Variants in LRRC53 observed in about 807,000 individuals in gnomAD.
LRRC53 encodes leucine-rich repeat-containing protein 53.
In LRRC53, 25 loss-of-function variants were observed where a neutral mutation model predicts 13.6. The observed-to-expected ratio is 1.83, with a 90% confidence interval of 1.34 to 2.56. The LOEUF is 2.56. Ranked by LOEUF, LRRC53 falls within the 30% of genes most tolerant of loss-of-function variation. The pLI, the probability that LRRC53 is intolerant of heterozygous loss-of-function variation, is 0.00. For missense variants in LRRC53, 527 were observed against 275.8 expected (o/e 1.91, Z -6.45); for synonymous variants, 204 against 109.8 (o/e 1.86, Z -5.37).
upstream of LRRC53, among the ~76,000 whole-genome samples, chr1:74,513,843 T>C (rs58647790): frequency 0.037 from 5,589 of 152,278 alleles, 158 homozygotes; most frequent in East Asian, 0.081. Context: ...CCTGAAAGCA[T>C]ATTTTAGATG....
At chr1:74,520,778 T>C in the LRRC53 span, among the ~76,000 whole-genome samples, 1 of 152,098 alleles carries the variant, frequency 6.6e-6, no homozygotes. Context: ...ACAGTCCCCT[T>C]TGAGTTGCAA....
chr1:74,474,579 A>G (rs749998412), intron 4 of LRRC53, among the ~76,000 whole-genome samples: 2 of 152,184 alleles, frequency 1.3e-5, no homozygotes, highest in South Asian at 4.1e-4. Context: ...AAATGACAGG[A>G]ACCTCTTTAC....
At chr1:74,513,292 C>T (rs939169821), upstream of LRRC53, among the ~76,000 whole-genome samples, 4 of 152,136 alleles carry the variant, frequency 2.6e-5, no homozygotes, top group East Asian at 1.9e-4. Context: ...TACTGAGTCC[C>T]TGTCCTTTCA....
chr1:74,480,114 A>G, intron 3 of LRRC53, 39 bp downstream of exon 3: 2 of 681,760 alleles, frequency 2.9e-6, no homozygotes, highest in Non-Finnish European at 5.4e-6. Context: ...TATGGACAAG[A>G]GAAGAGAAAA....
At chr1:74,515,790 C>T (rs1646340377), upstream of LRRC53, among the ~76,000 whole-genome samples, 1 of 152,176 alleles carries the variant, frequency 6.6e-6, no homozygotes, top group East Asian at 1.9e-4. Flanking sequence ...TAAGGGAAAT[C>T]TGAGGTTTTT....
chr1:74,509,515 T>C (rs925137354), intron 1 of LRRC53, among the ~76,000 whole-genome samples: 6 of 152,186 alleles, frequency 3.9e-5, no homozygotes, highest in Admixed American at 1.3e-4. Flanking sequence ...TTGTCCTTTA[T>C]TGTTTAGGGC....
In LRRC53 at chr1:74,471,482, C is replaced by T. The variant is rs776430408; in HGVS notation, c.2140G>A (p.Gly714Arg). The T allele has an allele frequency of 1.7e-5, 7 of 400,402 alleles. No homozygotes were observed. The highest frequency in any genetic ancestry group is 3.1e-5 in the Non-Finnish European group (7 of 226,092). 24.8% of individuals were successfully genotyped at this position (400,402 alleles called of 1,614,324 possible). ...PQSDLKGKIK[G>R]QNLKLNLHPF... ...TGTAAATTTAATTTTAAGTTTTGTC[C>T]TTTAATTTTCCCTTTGAGGTCAGAC... The change falls in exon 5 of 5, where the codon GGA becomes AGA. Residue 714 changes from glycine to arginine, a missense_variant. Coordinates refer to ENST00000294635, the MANE Select transcript of LRRC53 (RefSeq NM_001382280.1).
the LRRC53 span, among the ~76,000 whole-genome samples, chr1:74,518,712 T>A: frequency 3.3e-5 from 5 of 152,116 alleles, no homozygotes; most frequent in Non-Finnish European, 7.4e-5. Flanking sequence ...ATTATATTAG[T>A]GTTTTGAACA....
At chr1:74,514,435 A>G (rs1013193930), upstream of LRRC53, among the ~76,000 whole-genome samples, 6 of 152,190 alleles carry the variant, frequency 3.9e-5, no homozygotes, top group African/African-American at 1.4e-4. Context: ...GAAAAGGTCC[A>G]TTTTAATAGA....
chr1:74,520,685 C>G, the LRRC53 span, among the ~76,000 whole-genome samples: 25 of 152,032 alleles, frequency 1.6e-4, no homozygotes, highest in African/African-American at 6.0e-4. Context: ...TTTTAAGACA[C>G]TGAGAACAAA....
intron 4 of LRRC53, 124 bp from the exon 5 acceptor site, chr1:74,472,325 A>G (rs1311343183): frequency 1.0e-5 from 6 of 593,734 alleles, no homozygotes; most frequent in African/African-American, 1.9e-5. Context: ...GTTCTTCACT[A>G]TTTCCTAATT....
chr1:74,517,537 T>C (rs1011050190), upstream of LRRC53, among the ~76,000 whole-genome samples: 11 of 152,294 alleles, frequency 7.2e-5, no homozygotes, highest in African/African-American at 2.6e-4. Flanking sequence ...TAGCCTTTAA[T>C]AATAATTGTT....
At chr1:74,510,452 G>T (rs931299458) in intron 1 of LRRC53, among the ~76,000 whole-genome samples, 3 of 152,138 alleles carry the variant, frequency 2.0e-5, no homozygotes, top group Non-Finnish European at 2.9e-5. Context: ...AGCTTGCAGA[G>T]AGCCGACATC....
At chr1:74,534,739 T>G in the LRRC53 span, among the ~76,000 whole-genome samples, 1 of 152,048 alleles carries the variant, frequency 6.6e-6, no homozygotes, top group Non-Finnish European at 1.5e-5. Flanking sequence ...ATTTCTTTTA[T>G]ATAAGAATTC....
the LRRC53 span, among the ~76,000 whole-genome samples, chr1:74,523,649 G>A: frequency 6.6e-6 from 1 of 152,176 alleles, no homozygotes; most frequent in South Asian, 2.1e-4. Context: ...TGTATGCCAG[G>A]CCCTGAGAGT....
chr1:74,516,148 T>A (rs1009785620), upstream of LRRC53, among the ~76,000 whole-genome samples: 1 of 152,174 alleles, frequency 6.6e-6, no homozygotes, highest in African/African-American at 2.4e-5. Flanking sequence ...TGATAATAAC[T>A]CTGGTATTTC....
the LRRC53 span, among the ~76,000 whole-genome samples, chr1:74,532,442 C>T: frequency 6.8e-5 from 10 of 146,024 alleles, no homozygotes; most frequent in Middle Eastern, 3.4e-3. Context: ...TAGTTTGACA[C>T]GTGCTATTAT....
chr1:74,515,042 C>T (rs1646329360), upstream of LRRC53, among the ~76,000 whole-genome samples: 1 of 152,142 alleles, frequency 6.6e-6, no homozygotes, highest in Non-Finnish European at 1.5e-5. Context: ...AGGATCGTAG[C>T]CCTCACCAGA....
intron 1 of LRRC53, among the ~76,000 whole-genome samples, chr1:74,507,546 A>G (rs1669970345): frequency 6.6e-6 from 1 of 152,178 alleles, no homozygotes; most frequent in Non-Finnish European, 1.5e-5. Flanking sequence ...AGTGTGATGG[A>G]TATATGTGTA....
Sources: gnomAD v4.1 joint callset for allele counts (sites outside exome capture counted in the v4.1 genomes callset) on GRCh38, gnomAD v4.1.1 for gene constraint, MANE v1.5 for transcripts, NCBI Gene and HGNC (gene_info 2026-07-23, HGNC 2026-07-21) for gene names.